ATP8A1: variants seen among roughly 807,000 people sequenced by gnomAD.
ATP8A1 encodes the protein phospholipid-transporting ATPase IA.
ATP8A1 carries 90 observed loss-of-function variants against 177.7 expected under a neutral mutation model. The ratio of observed to expected loss-of-function variants is 0.51; its 90% CI spans 0.43 to 0.60. The LOEUF is 0.60. Among genes scored for constraint, ATP8A1 ranks in the 20% least tolerant of loss-of-function variants. ATP8A1 has a pLI of 0.00. For synonymous variants in ATP8A1, 493 were observed against 485.9 expected (o/e 1.01, Z -0.19); for missense variants, 1,072 against 1,392.8 (o/e 0.77, Z 3.67).
chr4:42,422,712 C>A, intron 35 of ATP8A1, 95 bp downstream of exon 35: 1 of 947,558 alleles, frequency 1.1e-6, no homozygotes, highest in Non-Finnish European at 1.6e-6. Context: ...CAGCTTGATG[C>A]TGACAAATAC....
In ATP8A1 at chr4:42,464,735, G is replaced by A. The variant is rs1238339580; in HGVS notation, c.2574C>T (p.Cys858=). Residue 858 remains cysteine, a synonymous_variant, in exon 27 of 37, where the codon TGC becomes TGT. Transcript: ENST00000381668. ...TATTCTTGTAGAAGCAGTATAAGAT[G>A]CACTTGGAGACTCTGTTATAGTTCC... The part of the protein sequence containing the change: ...GAWNYNRVSK[C]ILYCFYKNIV... 6.2e-7 allele frequency: 1 copy of A among 1,613,006 alleles called. No homozygotes were observed. The highest frequency in any genetic ancestry group is 1.3e-5 in the African/African-American group (1 of 74,896).
chr4:42,617,024 T>C (rs760758589), intron 4 of ATP8A1, among the ~76,000 whole-genome samples: 3 of 152,246 alleles, frequency 2.0e-5, no homozygotes, highest in Non-Finnish European at 4.4e-5. Context: ...AAGTTGAATA[T>C]AGTTGTGCGT....
chr4:42,438,714 T>A (rs7689625), intron 33 of ATP8A1, among the ~76,000 whole-genome samples: 143,954 of 152,138 alleles, frequency 0.95, 68,294 homozygotes, highest in East Asian at 1. Flanking sequence ...AAAAGAGTTA[T>A]CACCTGAGAG....
chr4:42,613,531 T>A (rs577938736), intron 5 of ATP8A1, among the ~76,000 whole-genome samples: 82 of 152,334 alleles, frequency 5.4e-4, no homozygotes, highest in African/African-American at 1.9e-3. Flanking sequence ...TAAATAGCTA[T>A]GTAAATAGTT....
intron 1 of ATP8A1, among the ~76,000 whole-genome samples, chr4:42,647,595 A>G (rs1740667825): frequency 6.6e-6 from 1 of 151,156 alleles, no homozygotes; most frequent in African/African-American, 2.4e-5. Flanking sequence ...TTAATATTAA[A>G]TATATAGTAT....
intron 12 of ATP8A1, 130 bp from the exon 13 acceptor site, chr4:42,575,829 T>C (rs1210707502): frequency 6.9e-6 from 5 of 729,378 alleles, no homozygotes; most frequent in African/African-American, 5.3e-5. Flanking sequence ...TAGGCACTAA[T>C]TTCCTGTTAT....
In ATP8A1 at chr4:42,548,654, A is replaced by G. The variant is rs983590220; in HGVS notation, c.1652+359T>C. Among the ~76,000 whole-genome samples the G allele has an allele frequency of 5.9e-5, 9 of 152,274 alleles. No individual in the cohort carries two copies. The South Asian group carries it at 6.2e-4, about 11-fold the overall frequency. On this transcript the variant is annotated intron_variant, in intron 19 of 36. Transcript: ENST00000381668. The stretch of plus-strand genomic sequence containing the variant: ...AAACATCAGAATTTACTTCTTCAAC[A>G]TAACTGTGTGTTCATACCCATTAAC...
chr4:42,480,500 T>C (rs1721566565), intron 25 of ATP8A1, among the ~76,000 whole-genome samples: 1 of 152,228 alleles, frequency 6.6e-6, no homozygotes. Context: ...CCAATGGTGT[T>C]CACAAATTTT....
At chr4:42,636,261 A>G (rs1739383662) in intron 1 of ATP8A1, among the ~76,000 whole-genome samples, 4 of 152,212 alleles carry the variant, frequency 2.6e-5, no homozygotes, top group Admixed American at 2.6e-4. Context: ...CTTAGTACAG[A>G]TAGTTCATTT....
chr4:42,419,470 T>C (rs1378534676), intron 35 of ATP8A1, among the ~76,000 whole-genome samples: 1 of 152,138 alleles, frequency 6.6e-6, no homozygotes, highest in Non-Finnish European at 1.5e-5. Context: ...ACAGAGATAG[T>C]AGGCTAGGAA....
chr4:42,575,414 T>C (rs1732344600), intron 13 of ATP8A1, among the ~76,000 whole-genome samples: 1 of 152,234 alleles, frequency 6.6e-6, no homozygotes, highest in African/African-American at 2.4e-5. Flanking sequence ...TGGAGTGCTT[T>C]ACCTTGAGAG....
In ATP8A1 at chr4:42,411,744, A is replaced by T. The variant is rs952096663; in HGVS notation, c.*1172T>A. Reference sequence around the variant, plus strand: ...AATCCGCATTTTTTAAATGGGGAAAATGTACTACCTATTTGTCCCAATAAG... The same window carrying T: ...AATCCGCATTTTTTAAATGGGGAAATTGTACTACCTATTTGTCCCAATAAG... On this transcript the variant is annotated 3_prime_UTR_variant, in exon 37 of 37. Coordinates refer to ENST00000381668, the MANE Select transcript of ATP8A1 (RefSeq NM_006095.2). The T allele has an allele frequency of 6.6e-6, 1 of 152,166 alleles. No individual in the cohort carries two copies. The highest frequency in any genetic ancestry group is 2.4e-5 in the African/African-American group (1 of 41,440). 9.4% of individuals were successfully genotyped at this position (152,166 alleles called of 1,614,324 possible). A position where few individuals can be genotyped will look rare whatever the true frequency, so the allele number is the denominator to read the frequency against.
chr4:42,578,498 G>C (rs1197118692), intron 11 of ATP8A1, 111 bp from the exon 12 acceptor site: 35 of 1,203,780 alleles, frequency 2.9e-5, no homozygotes, highest in Non-Finnish European at 4.1e-5. Context: ...TTGATAATTT[G>C]GGAGGAACAC....
In ATP8A1 at chr4:42,484,915, C is replaced by T. The variant is rs148976757; in HGVS notation, c.2324+581G>A. Among the ~76,000 whole-genome samples, 246 of 152,236 alleles carry T rather than the reference C, an allele frequency of 1.6e-3. 1 individual carries two copies. The highest frequency in any genetic ancestry group is 5.5e-3 in the African/African-American group (229 of 41,528). On this transcript the variant is annotated intron_variant, in intron 25 of 36. Coordinates refer to ENST00000381668, the MANE Select transcript of ATP8A1 (RefSeq NM_006095.2). ...GAAGACGGAGTTTAAACAATTTATA[C>T]GTAAATATGGGGAAGATTCCTTGAC...
intron 1 of ATP8A1, among the ~76,000 whole-genome samples, chr4:42,629,893 G>C (rs1381730828): frequency 6.6e-6 from 1 of 152,184 alleles, no homozygotes; most frequent in Non-Finnish European, 1.5e-5. Flanking sequence ...CTTAACGTAA[G>C]TAACCTGTCA....
chr4:42,576,475 CAAAAAAAAAAAAAAAAAAA>C (rs1159794343), intron 12 of ATP8A1, among the ~76,000 whole-genome samples: 1 of 32,400 alleles, frequency 3.1e-5, no homozygotes, highest in Non-Finnish European at 4.9e-5. Context: ...GACGCCGTCT[CAAAAAAAAAAAAAAAAAAA>C]AAAAAAAAAA....
At chr4:42,518,343 C>CAT (rs1252189249) in intron 22 of ATP8A1, among the ~76,000 whole-genome samples, 1 of 152,156 alleles carries the variant, frequency 6.6e-6, no homozygotes, top group African/African-American at 2.4e-5. Context: ...AAACATCTTG[C>CAT]ATACGGGCAC....
intron 10 of ATP8A1, among the ~76,000 whole-genome samples, chr4:42,580,725 G>A (rs574270889): frequency 6.6e-6 from 1 of 152,176 alleles, no homozygotes; most frequent in Non-Finnish European, 1.5e-5. Flanking sequence ...TATTAGCTCT[G>A]AGAGCAGATT....
intron 19 of ATP8A1, among the ~76,000 whole-genome samples, chr4:42,545,074 C>T (rs1220757811): frequency 4.6e-5 from 7 of 150,596 alleles, no homozygotes; most frequent in Non-Finnish European, 1.0e-4. Context: ...GCAGAAGAAT[C>T]GCTCGAACCC....
Sources: allele counts gnomAD v4.1 joint callset (sites outside exome capture counted in the v4.1 genomes callset), GRCh38; gene constraint gnomAD v4.1.1; transcripts MANE v1.5; gene names NCBI Gene and HGNC (gene_info 2026-07-23, HGNC 2026-07-21).